GRTP1: variants seen among roughly 807,000 people sequenced by gnomAD.
GRTP1 encodes growth hormone-regulated TBC protein 1.
A neutral mutation model predicts 38.1 loss-of-function variants in GRTP1; 56 were observed. The ratio of observed to expected loss-of-function variants is 1.47; its 90% CI spans 1.19 to 1.84. The LOEUF is 1.84. Ranked by LOEUF, GRTP1 falls within the 40% of genes most tolerant of loss-of-function variation. The probability of loss-of-function intolerance (pLI) is 0.00; values close to 1 mark genes in which losing one functional copy is unlikely to be tolerated. For synonymous variants in GRTP1, 217 were observed against 189.5 expected, an observed-to-expected ratio of 1.14 and a Z score of -1.19; for missense variants, 506 against 453.9, an observed-to-expected ratio of 1.11 and a Z score of -1.04.
rs1439378871 is a variant in GRTP1, at chr13:113,342,683, G to A, written c.562+2180C>T. 3.9e-5 allele frequency among the ~76,000 whole-genome samples: 6 copies of A among 152,212 alleles called. No individual in the cohort carries two copies. Among genetic ancestry groups the A allele is most frequent in the East Asian group, 1.9e-4 (1 of 5,184 alleles). Reference sequence around the variant, plus strand: ...AGCAGGATGACTGTGGCACTGAAACGACCTACTTCGGTCACTGTAACTTAG... The same window carrying A: ...AGCAGGATGACTGTGGCACTGAAACAACCTACTTCGGTCACTGTAACTTAG... On this transcript the variant is annotated intron_variant, in intron 5 of 7. Coordinates refer to ENST00000375431, the MANE Select transcript of GRTP1 (RefSeq NM_024719.4). This position sits in a 1 kb window ranked among gnomAD's most constrained non-coding sequence, Gnocchi z 4.5.
At chr13:113,352,334 A>T (rs9549391) in intron 3 of GRTP1, among the ~76,000 whole-genome samples, 3 of 74,134 alleles carry the variant, frequency 4.0e-5, no homozygotes, top group African/African-American at 1.0e-4. Flanking sequence ...TTTTATATAT[A>T]TTTTATATAT....
chr13:113,329,275 G>C (rs1435630572), intron 5 of GRTP1, among the ~76,000 whole-genome samples: 1 of 152,186 alleles, frequency 6.6e-6, no homozygotes, highest in Non-Finnish European at 1.5e-5. Flanking sequence ...CATTGGGAGA[G>C]AGCTTAAAAA....
intron 5 of GRTP1, among the ~76,000 whole-genome samples, chr13:113,344,637 C>T (rs1444039039): frequency 6.2e-5 from 8 of 129,052 alleles, no homozygotes; most frequent in Admixed American, 1.0e-4. Context: ...CACTTGAACC[C>T]GGGAGGCAGA....
At chr13:113,358,205 AAAAAT>A (rs2043431478) in intron 2 of GRTP1, among the ~76,000 whole-genome samples, 1 of 152,240 alleles carries the variant, frequency 6.6e-6, no homozygotes, top group Admixed American at 6.5e-5. Context: ...ATAAAAATAA[AAAAAT>A]AAAATTGGCA....
rs1273570126 is a variant in GRTP1, at chr13:113,343,468, G to A, written c.562+1395C>T. Among the ~76,000 whole-genome samples the A allele has an allele frequency of 1.3e-5, 2 of 152,180 alleles. No homozygotes were observed. The highest frequency in any genetic ancestry group is 2.9e-5 in the Non-Finnish European group (2 of 68,032). The stretch of plus-strand genomic sequence containing the variant: ...ATCCTCATTTCTGCGCCCTTGGGTT[G>A]AGGGTGGCGCTGATTCCTCCCTGCC... On this transcript the variant is annotated intron_variant, in intron 5 of 7. Transcript: ENST00000375431. The surrounding 1 kb of genome is among the most constrained non-coding windows in gnomAD (Gnocchi z 4.8).
At chr13:113,335,775 C>T (rs1035571034) in intron 5 of GRTP1, among the ~76,000 whole-genome samples, 3 of 2,920 alleles carry the variant, frequency 1.0e-3, no homozygotes, top group Non-Finnish European at 2.1e-3. Flanking sequence ...TCCCTCCATG[C>T]TGCTGAAATG....
intron 3 of GRTP1, among the ~76,000 whole-genome samples, chr13:113,352,362 A>ATATATATATCTATTTATATATATTT (rs2043300167): frequency 1.2e-5 from 1 of 80,850 alleles, no homozygotes; most frequent in Non-Finnish European, 2.2e-5. Context: ...TATATATTTT[A>ATATATATATCTATTTATATATATTT]TATATATATA....
chr13:113,339,823 G>T (rs1178752755), intron 5 of GRTP1: 2 of 152,000 alleles, frequency 1.3e-5, no homozygotes, highest in Non-Finnish European at 2.9e-5. Context: ...TTGGATTTCT[G>T]GAAAAAACTA....
intron 5 of GRTP1, among the ~76,000 whole-genome samples, chr13:113,334,465 G>C (rs778628402): frequency 6.6e-6 from 1 of 152,168 alleles, no homozygotes; most frequent in Non-Finnish European, 1.5e-5. Flanking sequence ...TAAATCAGTC[G>C]TGCGCGGAAA....
At chr13:113,345,110 TAG>T (rs1595492840) in intron 4 of GRTP1, 151 bp from the exon 5 acceptor site, 2 of 766,704 alleles carry the variant, frequency 2.6e-6, no homozygotes, top group East Asian at 3.0e-5. Flanking sequence ...AGTAGAACTC[TAG>T]AGTCACTAAA....
intron 5 of GRTP1, among the ~76,000 whole-genome samples, chr13:113,329,475 A>C (rs972801078): frequency 5.3e-5 from 8 of 152,078 alleles, no homozygotes; most frequent in African/African-American, 1.4e-4. Context: ...CTACTCAGCT[A>C]CTCAGGAGGC....
In GRTP1 at chr13:113,356,126, G is replaced by T. The variant is rs1176884289; in HGVS notation, c.182-645C>A. The stretch of plus-strand genomic sequence containing the variant: ...TTTCTTAGGCAGATGGAAAAGGTAT[G>T]TATGGCTAACATCTGAATTAATTAT... On this transcript the variant is annotated intron_variant, in intron 2 of 7. Transcript: ENST00000375431. 2.0e-5 allele frequency among the ~76,000 whole-genome samples: 3 copies of T among 152,160 alleles called. No homozygotes were observed. The East Asian group carries it at 5.8e-4, about 29-fold the overall frequency.
In GRTP1 at chr13:113,342,642, C is replaced by T. The variant is rs1204932354; in HGVS notation, c.562+2221G>A. Among the ~76,000 whole-genome samples the T allele has an allele frequency of 1.7e-3, 10 of 5,988 alleles. No individual in the cohort carries two copies. Among genetic ancestry groups the T allele is most frequent in the South Asian group, 0.083 (1 of 12 alleles). The allele number at this position is 5,988 out of a possible 152,430, so 3.9% of individuals were successfully genotyped here. A position where few individuals can be genotyped will look rare whatever the true frequency, so the allele number is the denominator to read the frequency against. On this transcript the variant is annotated intron_variant, in intron 5 of 7. Coordinates refer to ENST00000375431, the MANE Select transcript of GRTP1 (RefSeq NM_024719.4). The surrounding 1 kb of genome is among the most constrained non-coding windows in gnomAD (Gnocchi z 4.5). Reference sequence around the variant, plus strand: ...GACCTAGTTTGGGTAACTATAACTTCGAGGATGGATTTTAGAGCAGGATGA... The same window carrying T: ...GACCTAGTTTGGGTAACTATAACTTTGAGGATGGATTTTAGAGCAGGATGA...
chr13:113,358,178 T>C (rs1257651568), intron 2 of GRTP1, among the ~76,000 whole-genome samples: 5 of 151,906 alleles, frequency 3.3e-5, no homozygotes, highest in Non-Finnish European at 7.4e-5. Flanking sequence ...AGAGATTCCA[T>C]CTCAAAAAAT....
At chr13:113,346,223 T>TCCGGGAGGACCTCTGAAGCC (rs2043123789) in intron 4 of GRTP1, among the ~76,000 whole-genome samples, 5 of 13,086 alleles carry the variant, frequency 3.8e-4, no homozygotes, top group Middle Eastern at 0.036. Flanking sequence ...CCTCTGTGGC[T>TCCGGGAGGACCTCTGAAGCC]GAGAACAGAC....
At chr13:113,335,807 T>C (rs565131538) in intron 5 of GRTP1, among the ~76,000 whole-genome samples, 252 of 152,248 alleles carry the variant, frequency 1.7e-3, no homozygotes, top group Admixed American at 2.9e-3. Context: ...TTTTTTTCTT[T>C]TTGAGATGGA....
chr13:113,333,834 ATTTAGTGTGTGTGTGTGTGT>A (rs1172406256), intron 5 of GRTP1, among the ~76,000 whole-genome samples: 1 of 92,040 alleles, frequency 1.1e-5, no homozygotes, highest in African/African-American at 4.6e-5. Context: ...TTATTTATTT[ATTTAGTGTGTGTGTGTGTGT>A]GTGTGTGTGT....
At chr13:113,332,525 G>T (rs1245132924) in intron 5 of GRTP1, among the ~76,000 whole-genome samples, 1 of 151,944 alleles carries the variant, frequency 6.6e-6, no homozygotes, top group African/African-American at 2.4e-5. Flanking sequence ...ATACTCCAGG[G>T]CGTGCTTCCC....
In GRTP1 at chr13:113,355,358, T is replaced by A. The variant is rs768551233; in HGVS notation, c.305A>T (p.Glu102Val). 8.1e-6 allele frequency: 13 copies of A among 1,613,930 alleles called. No homozygotes were observed. Among genetic ancestry groups the A allele is most frequent in the Non-Finnish European group, 1.1e-5 (13 of 1,179,996 alleles). ...GGCGTCCTCCAGCCTGGGGTTTCTC[T>A]CTCCCTGGAGAAGCTGGTGGTAGTA... ...PGYYHQLLQG[E>V]RNPRLEDAIR... Residue 102 changes from glutamate (E) to valine (V), a missense_variant, in exon 3 of 8, where the codon GAG becomes GTG. Coordinates refer to ENST00000375431, the MANE Select transcript of GRTP1 (RefSeq NM_024719.4).
Sources: allele counts gnomAD v4.1 joint callset (sites outside exome capture counted in the v4.1 genomes callset), GRCh38; gene constraint gnomAD v4.1.1; non-coding constraint Gnocchi (gnomAD v3.1); transcripts MANE v1.5; gene names NCBI Gene and HGNC (gene_info 2026-07-23, HGNC 2026-07-21).